NR2C1: variants seen among roughly 807,000 people sequenced by gnomAD.
NR2C1 encodes the protein nuclear receptor subfamily 2 group C member 1, also known as TR2 nuclear hormone receptor.
Under a neutral mutation model 74.8 loss-of-function variants are expected in NR2C1, and 33 were observed. The ratio of observed to expected loss-of-function variants is 0.44; its 90% CI spans 0.33 to 0.59. The LOEUF (loss-of-function observed/expected upper bound fraction) is 0.59, where lower values mean the gene tolerates loss of function less well. NR2C1 is among the 20% of genes least tolerant of loss of function. The pLI is 0.02. For missense variants in NR2C1, 568 were observed against 715.6 expected, an observed-to-expected ratio of 0.79 and a Z score of 2.35; for synonymous variants, 225 against 240.6, an observed-to-expected ratio of 0.94 and a Z score of 0.60.
chr12:95,042,217 A>AT (rs1592747314), intron 9 of NR2C1, among the ~76,000 whole-genome samples: 3 of 143,434 alleles, frequency 2.1e-5, no homozygotes, highest in African/African-American at 7.9e-5. Flanking sequence ...TCTCAAAGGT[A>AT]TCTTTTTTTT....
chr12:95,051,919 T>TTAAA lies in NR2C1; in HGVS notation c.804_807dup (p.Ser270PhefsTer18). ...GATGTAACCACATTGGCCAATGTACTTAAATCTCCCTGACATGATTCAGCC... is the reference window on the plus strand; with the variant it reads ...GATGTAACCACATTGGCCAATGTACTTAAATAAATCTCCCTGACATGATTCAGCC... On this transcript the variant is annotated frameshift_variant, in exon 8 of 14. Coordinates refer to ENST00000333003, the MANE Select transcript of NR2C1 (RefSeq NM_003297.4). LOFTEE classifies it high-confidence loss of function. The TTAAA allele has an allele frequency of 6.3e-7, 1 of 1,592,024 alleles. No homozygotes were observed. Among genetic ancestry groups the TTAAA allele is most frequent in the Non-Finnish European group, 8.5e-7 (1 of 1,173,632 alleles).
intron 7 of NR2C1, among the ~76,000 whole-genome samples, chr12:95,053,946 G>A (rs1477770969): frequency 6.6e-6 from 1 of 152,158 alleles, no homozygotes; most frequent in Non-Finnish European, 1.5e-5. Context: ...GCCTCCCAAA[G>A]TGCTGGGATT....
At chr12:95,024,979 T>C (rs1483951077) in intron 13 of NR2C1, among the ~76,000 whole-genome samples, 171 bp downstream of exon 13, 2 of 152,254 alleles carry the variant, frequency 1.3e-5, no homozygotes, top group Non-Finnish European at 1.5e-5. Context: ...CTGGATGAAA[T>C]ATTTTATGTA....
At chr12:95,055,080 AC>A (rs1467811510) in intron 7 of NR2C1, among the ~76,000 whole-genome samples, 2 of 152,226 alleles carry the variant, frequency 1.3e-5, no homozygotes, top group Non-Finnish European at 2.9e-5. Context: ...GGGTAAGGTC[AC>A]CGATCAACAG....
chr12:95,029,695 T>G (rs571025203), intron 11 of NR2C1, among the ~76,000 whole-genome samples: 2 of 152,024 alleles, frequency 1.3e-5, no homozygotes, highest in East Asian at 1.9e-4. Context: ...TAGCTGGGAT[T>G]ACAGGCGCTT....
chr12:95,028,517 C>T lies in NR2C1; in HGVS notation c.1401G>A (p.Met467Ile), dbSNP rs879892369. 1 of 1,533,046 alleles carries T rather than the reference C, an allele frequency of 6.5e-7. No homozygotes were observed. Among genetic ancestry groups the T allele is most frequent in the Non-Finnish European group, 9.0e-7 (1 of 1,115,100 alleles). The allele number at this position is 1,533,046 out of a possible 1,614,324, so 95.0% of individuals were successfully genotyped here. ...TCAATAATTTTCTTCTTTCTGTTGA[C>T]ATTTTATCTTTAATTAAAAATAAAC... ...CLHNSLQQDK[M>I]STERRKLLME... Residue 467 changes from methionine to isoleucine, a missense_variant, in exon 12 of 14, where the codon ATG becomes ATA. Met to Ile is a conservative substitution (Grantham distance 10). Transcript: ENST00000333003.
intron 10 of NR2C1, 45 bp from the exon 11 acceptor site, chr12:95,031,533 T>C: frequency 6.8e-7 from 1 of 1,468,408 alleles, no homozygotes; most frequent in Non-Finnish European, 9.1e-7. Flanking sequence ...ATTATTAAAA[T>C]AAGTTTTATA....
chr12:95,051,342 C>A (rs1175312174), intron 8 of NR2C1, among the ~76,000 whole-genome samples: 1 of 152,140 alleles, frequency 6.6e-6, no homozygotes, highest in Non-Finnish European at 1.5e-5. Flanking sequence ...TAAATCTTTT[C>A]TGTATACGCC....
Position 95,021,864 on chromosome 12 carries a change from TAATG to T in NR2C1, c.*361_*364del, listed in dbSNP as rs1417921387. 1 of 156,542 alleles carries T rather than the reference TAATG, an allele frequency of 6.4e-6. No homozygotes were observed. Among genetic ancestry groups the T allele is most frequent in the Non-Finnish European group, 1.4e-5 (1 of 71,140 alleles). 9.7% of individuals were successfully genotyped at this position (156,542 alleles called of 1,614,324 possible). On this transcript the variant is annotated 3_prime_UTR_variant, in exon 14 of 14. Transcript: ENST00000333003. ...ACCATTAAGTATTTTTACTAGTTCA[TAATG>T]AAGTTAAATATGACTAGAACACAAT...
At position 95,057,627 on chromosome 12, in the gene NR2C1, C is replaced by T; in HGVS notation, c.709G>A (p.Asp237Asn). 3 of 1,613,930 alleles carry T rather than the reference C, an allele frequency of 1.9e-6. No homozygotes were observed. Among genetic ancestry groups the T allele is most frequent in the Non-Finnish European group, 2.5e-6 (3 of 1,179,950 alleles). The change falls in exon 7 of 14, where the codon GAT becomes AAT. Residue 237 changes from aspartate to asparagine, a missense_variant. Transcript: ENST00000333003. Reference protein sequence around the residue: ...SESTRSTGLLDSGMFMNIHPS... With the variant: ...SESTRSTGLLNSGMFMNIHPS... Reference sequence around the variant, plus strand: ...TGAATATTCATGAACATTCCTGAATCTAACAGTCCTGTTGACCTGTAACAA... The same window carrying T: ...TGAATATTCATGAACATTCCTGAATTTAACAGTCCTGTTGACCTGTAACAA...
rs148013625 is a variant in NR2C1, at chr12:95,045,562, C to T, written c.1131+3506G>A. ...TTCAAGCAATGGAATGGTTAAAATT[C>T]AGTTATGGAATGAGAAGAGTGAGGC... On this transcript the variant is annotated intron_variant, in intron 9 of 13. Transcript: ENST00000333003. Among the ~76,000 whole-genome samples the T allele has an allele frequency of 8.0e-4, 122 of 152,216 alleles. 1 individual carries two copies. Among genetic ancestry groups the T allele is most frequent in the African/African-American group, 2.6e-3 (108 of 41,518 alleles).
intron 12 of NR2C1, among the ~76,000 whole-genome samples, chr12:95,026,035 G>A (rs1001868531): frequency 2.0e-5 from 3 of 151,706 alleles, no homozygotes; most frequent in African/African-American, 2.4e-5. Context: ...GTGAAACCCC[G>A]TCTCTACTAA....
intron 7 of NR2C1, among the ~76,000 whole-genome samples, chr12:95,053,426 T>C (rs1252724114): frequency 6.6e-6 from 1 of 152,176 alleles, no homozygotes; most frequent in African/African-American, 2.4e-5. Context: ...ATTTTTCTTT[T>C]ACTTTGTTAT....
At position 95,058,181 on chromosome 12, in the gene NR2C1, T is replaced by G. The variant is rs1328011769; in HGVS notation, c.544+129A>C. The stretch of plus-strand genomic sequence containing the variant: ...AAAAAGTACATACGTAGGTCTGTAT[T>G]CTTATATTTTTAGTTGGAAAACTGT... On this transcript the variant is annotated intron_variant, in intron 5 of 13. Transcript: ENST00000333003. 4 of 814,488 alleles carry G rather than the reference T, an allele frequency of 4.9e-6. No individual in the cohort carries two copies. The African/African-American group carries it at 6.9e-5, about 14-fold the overall frequency. The allele number at this position is 814,488 out of a possible 1,614,324, so 50.5% of individuals were successfully genotyped here. A position where few individuals can be genotyped will look rare whatever the true frequency, so the allele number is the denominator to read the frequency against.
chr12:95,051,738 A>C (rs1873034502), intron 8 of NR2C1, 24 bp downstream of exon 8: 1 of 1,570,084 alleles, frequency 6.4e-7, no homozygotes, highest in African/African-American at 1.4e-5. Flanking sequence ...ACAAAAGGAC[A>C]TTGATAATCA....
chr12:95,030,383 T>C lies in NR2C1; in HGVS notation c.1393+966A>G, dbSNP rs1869925147. On this transcript the variant is annotated intron_variant, in intron 11 of 13. Transcript: ENST00000333003. ...AAACAGATATTTAGTAAAAACACTG[T>C]TAAGAAGAAAAAAACTGAAGCAGAA... is the stretch of plus-strand genomic sequence containing the variant. The C allele has an allele frequency of 5.3e-6, 6 of 1,127,264 alleles. No homozygotes were observed. In the South Asian group the frequency reaches 1.5e-4, roughly 28 times the overall value. 69.8% of individuals were successfully genotyped at this position (1,127,264 alleles called of 1,614,324 possible).
chr12:95,029,738 T>A (rs772085745), intron 11 of NR2C1, among the ~76,000 whole-genome samples: 8 of 151,972 alleles, frequency 5.3e-5, no homozygotes, highest in Non-Finnish European at 2.9e-5. Context: ...TTTGTATTTT[T>A]AGTAGAGACG....
At chr12:95,025,975 G>T (rs1869310356) in intron 12 of NR2C1, among the ~76,000 whole-genome samples, 1 of 151,860 alleles carries the variant, frequency 6.6e-6, no homozygotes, top group South Asian at 2.1e-4. Flanking sequence ...GGGAGGCCGA[G>T]GTGGGGGGGA....
intron 9 of NR2C1, among the ~76,000 whole-genome samples, chr12:95,048,127 T>C (rs1872534870): frequency 6.6e-6 from 1 of 152,236 alleles, no homozygotes; most frequent in East Asian, 1.9e-4. Context: ...GGTCTCGGCA[T>C]GTTGCCCAGG....
Sources: allele counts gnomAD v4.1 joint callset (sites outside exome capture counted in the v4.1 genomes callset), GRCh38; gene constraint gnomAD v4.1.1; transcripts MANE v1.5; gene names NCBI Gene and HGNC (gene_info 2026-07-23, HGNC 2026-07-21).